The following GDPD1 variants were observed in gnomAD, a reference collection of about 807,000 sequenced individuals.
GDPD1 encodes the protein lysophospholipase D GDPD1.
In GDPD1, 28 loss-of-function variants were observed where a neutral mutation model predicts 45.1. The observed-to-expected ratio is 0.62, with a 90% CI of 0.46 to 0.85. The LOEUF is 0.85. Among genes scored for constraint, GDPD1 ranks in the 40% least tolerant of loss-of-function variants. GDPD1 has a pLI of 0.00. For missense variants in GDPD1, 256 were observed against 364.8 expected (o/e 0.70, Z 2.43); for synonymous variants, 139 against 131.4 (o/e 1.06, Z -0.40).
chr17:59,258,666 A>G (rs1259696634), intron 6 of GDPD1, among the ~76,000 whole-genome samples: 1 of 152,192 alleles, frequency 6.6e-6, no homozygotes, highest in African/African-American at 2.4e-5. Context: ...CTAGCAATAT[A>G]AGGTCAATGC....
chr17:59,226,861 AGTAGAGACGG>A (rs1330644341), intron 1 of GDPD1, among the ~76,000 whole-genome samples: 1 of 150,844 alleles, frequency 6.6e-6, no homozygotes, highest in African/African-American at 2.4e-5. Flanking sequence ...TTGTATTTTT[AGTAGAGACGG>A]GGTTTCACCA....
chr17:59,229,793 C>T (rs2047075443), intron 1 of GDPD1, among the ~76,000 whole-genome samples: 1 of 152,136 alleles, frequency 6.6e-6, no homozygotes, highest in African/African-American at 2.4e-5. Flanking sequence ...AAGACTCTTC[C>T]AGCTCCCTTC....
chr17:59,223,387 T>C (rs1165801363), intron 1 of GDPD1, among the ~76,000 whole-genome samples: 10 of 152,206 alleles, frequency 6.6e-5, no homozygotes, highest in Admixed American at 6.6e-4. Context: ...TTGTTGAATA[T>C]GTACACTCAA....
chr17:59,255,424 G>A (rs540483675), intron 4 of GDPD1, among the ~76,000 whole-genome samples: 8 of 150,488 alleles, frequency 5.3e-5, no homozygotes, highest in Non-Finnish European at 1.2e-4. Context: ...AAAATACAGT[G>A]AGACCCTGTC....
chr17:59,227,432 T>A (rs1055714796), intron 1 of GDPD1, among the ~76,000 whole-genome samples: 4 of 151,694 alleles, frequency 2.6e-5, no homozygotes, highest in South Asian at 2.1e-4. Flanking sequence ...AAAAAAAAAA[T>A]TTAAAACTTT....
At chr17:59,236,621 G>A (rs1475754203) in intron 2 of GDPD1, among the ~76,000 whole-genome samples, 2 of 151,998 alleles carry the variant, frequency 1.3e-5, no homozygotes, top group East Asian at 3.9e-4. Context: ...TCAGCTTCCC[G>A]AATACCTGGG....
At position 59,275,077 on chromosome 17, in the gene GDPD1, G is replaced by A. The variant is rs1207607477; in HGVS notation, c.*1304G>A. On this transcript the variant is annotated 3_prime_UTR_variant, in exon 10 of 10. Transcript: ENST00000284116. The stretch of plus-strand genomic sequence containing the variant: ...GACTGGTCTCGAACTCCTGACCTCA[G>A]GTGATCCACCCACCTCGGCCTCTCA... 6.7e-6 allele frequency: 8 copies of A among 1,196,936 alleles called. No individual in the cohort carries two copies. The highest frequency in any genetic ancestry group is 9.5e-6 in the Non-Finnish European group (8 of 838,868). The allele number at this position is 1,196,936 out of a possible 1,614,324, so 74.1% of individuals were successfully genotyped here. A position where few individuals can be genotyped will look rare whatever the true frequency, so the allele number is the denominator to read the frequency against.
In GDPD1 at chr17:59,267,085, C is replaced by T. The variant is rs759912916; in HGVS notation, c.621C>T (p.Leu207=). The change falls in exon 7 of 10, where the codon CTC becomes CTT. Residue 207 remains leucine (L), a synonymous_variant. Transcript: ENST00000284116. The stretch of plus-strand genomic sequence containing the variant: ...TCTTCAGTCTACAACGTGTCCTGCT[C>T]ATTCTTGGCCTTTTCTTCACTGGCC... ...PILFSLQRVL[L]ILGLFFTGLL... 1 of 1,613,224 alleles carries T rather than the reference C, an allele frequency of 6.2e-7. No individual in the cohort carries two copies. The highest frequency in any genetic ancestry group is 8.5e-7 in the Non-Finnish European group (1 of 1,179,188).
intron 2 of GDPD1, among the ~76,000 whole-genome samples, chr17:59,241,818 C>T (rs1172243957): frequency 2.0e-5 from 3 of 151,848 alleles, no homozygotes; most frequent in African/African-American, 4.8e-5. Flanking sequence ...ATCCCAGCTA[C>T]GCAGGAGGCT....
chr17:59,251,571 T>TGTC (rs1174325081), intron 4 of GDPD1, among the ~76,000 whole-genome samples: 3 of 152,114 alleles, frequency 2.0e-5, no homozygotes, highest in Non-Finnish European at 4.4e-5. Context: ...CACTGTGTAC[T>TGTC]GTCAAGTTTC....
At chr17:59,243,244 G>A (rs913535832) in intron 2 of GDPD1, among the ~76,000 whole-genome samples, 10 of 151,728 alleles carry the variant, frequency 6.6e-5, no homozygotes, top group African/African-American at 2.4e-5. Flanking sequence ...AGTGGCTCAC[G>A]CCTGTAATCC....
intron 3 of GDPD1, among the ~76,000 whole-genome samples, chr17:59,245,995 C>T (rs777028664): frequency 6.6e-6 from 1 of 151,830 alleles, no homozygotes; most frequent in Non-Finnish European, 1.5e-5. Context: ...GGTGGTGCCC[C>T]TGTAATCCCA....
chr17:59,265,378 T>A (rs1034116435), intron 6 of GDPD1, among the ~76,000 whole-genome samples: 20 of 151,186 alleles, frequency 1.3e-4, no homozygotes, highest in African/African-American at 4.1e-4. Flanking sequence ...CTACAAAAAA[T>A]TTTTAAAAAA....
chr17:59,256,704 T>C (rs960915611), intron 4 of GDPD1, among the ~76,000 whole-genome samples: 3 of 152,212 alleles, frequency 2.0e-5, no homozygotes, highest in Non-Finnish European at 4.4e-5. Flanking sequence ...TATTGTACTA[T>C]AGATTTGCAA....
At chr17:59,247,744 C>T (rs1479536185) in intron 3 of GDPD1, among the ~76,000 whole-genome samples, 2 of 152,052 alleles carry the variant, frequency 1.3e-5, no homozygotes, top group Non-Finnish European at 2.9e-5. Flanking sequence ...ATTCTCCTGC[C>T]TCAGCCCCCC....
chr17:59,273,909 T>C lies in GDPD1; in HGVS notation c.*136T>C. Reference sequence around the variant, plus strand: ...TTATTACCTCATTTTTAAGCCTGTATGAGAATGTAGAAACTATATATTATA... The same window carrying C: ...TTATTACCTCATTTTTAAGCCTGTACGAGAATGTAGAAACTATATATTATA... On this transcript the variant is annotated 3_prime_UTR_variant, in exon 10 of 10. Transcript: ENST00000284116. 5 of 1,079,862 alleles carry C rather than the reference T, an allele frequency of 4.6e-6. No individual in the cohort carries two copies. The highest frequency in any genetic ancestry group is 5.8e-6 in the Non-Finnish European group (5 of 863,764). The allele number at this position is 1,079,862 out of a possible 1,614,324, so 66.9% of individuals were successfully genotyped here.
intron 8 of GDPD1, among the ~76,000 whole-genome samples, chr17:59,271,197 T>C (rs934131017): frequency 6.6e-6 from 1 of 152,202 alleles, no homozygotes; most frequent in African/African-American, 2.4e-5. Flanking sequence ...TGAGAGATAA[T>C]GTCCTCCAAC....
intron 4 of GDPD1, 58 bp downstream of exon 4, chr17:59,248,843 T>C: frequency 7.9e-7 from 1 of 1,272,250 alleles, no homozygotes; most frequent in East Asian, 2.4e-5. Context: ...GTGTGTTTTC[T>C]TGTCATAGTA....
chr17:59,233,407 G>A (rs2047106620), intron 1 of GDPD1, among the ~76,000 whole-genome samples: 4 of 151,634 alleles, frequency 2.6e-5, no homozygotes, highest in Admixed American at 2.0e-4. Flanking sequence ...AGCTACTCGG[G>A]AGGCTGAGAC....
Sources: gnomAD v4.1 joint callset for allele counts (sites outside exome capture counted in the v4.1 genomes callset) on GRCh38, gnomAD v4.1.1 for gene constraint, MANE v1.5 for transcripts, NCBI Gene and HGNC (gene_info 2026-07-23, HGNC 2026-07-21) for gene names.